Variants in GET3 observed in about 807,000 individuals in gnomAD.
GET3 encodes guided entry of tail-anchored proteins factor 3, ATPase.
A neutral mutation model predicts 32.4 loss-of-function variants in GET3; 15 were observed. That is an observed-to-expected ratio of 0.46 (90% CI 0.31 to 0.71). The LOEUF is 0.71. Ranked by LOEUF, GET3 falls within the 30% of genes least tolerant of loss-of-function variation. GET3 has a pLI of 0.05. For synonymous variants in GET3, 198 were observed against 185.6 expected (o/e 1.07, Z -0.54); for missense variants, 333 against 459.0 (o/e 0.73, Z 2.51).
At chr19:12,737,298 G>T, upstream of GET3, 1 of 676,136 alleles carries the variant, frequency 1.5e-6, no homozygotes, top group Non-Finnish European at 2.3e-6. Context: ...ATTAGGTAGG[G>T]GGAACCCTTG....
chr19:12,747,611 C>T lies in GET3; in HGVS notation c.915+19C>T, dbSNP rs1967797957. The T allele has an allele frequency of 1.2e-6, 2 of 1,609,888 alleles. No homozygotes were observed. Among genetic ancestry groups the T allele is most frequent in the Non-Finnish European group, 8.5e-7 (1 of 1,178,828 alleles). On this transcript the variant is annotated intron_variant, in intron 6 of 6. Transcript: ENST00000357332. The surrounding 1 kb of genome is among the most constrained non-coding windows in gnomAD (Gnocchi z 4.0). ...GGACCAGGTGTGCCCACCCACCCAG[C>T]ACTGGCTCAGCAGAGGCACCTCTGC...
At position 12,748,269 on chromosome 19, in the gene GET3, A is replaced by G. The variant is rs1967813008; in HGVS notation, c.*165A>G. The stretch of plus-strand genomic sequence containing the variant: ...CCTGGTGGGGCTGGTGGGGAGCTGT[A>G]GTTGCCCCCTACCTCTCCCACCTCT... On this transcript the variant is annotated 3_prime_UTR_variant, in exon 7 of 7. Coordinates refer to ENST00000357332, the MANE Select transcript of GET3 (RefSeq NM_004317.4). The G allele has an allele frequency of 1.7e-6, 1 of 604,752 alleles. No individual in the cohort carries two copies. The highest frequency in any genetic ancestry group is 2.7e-6 in the Non-Finnish European group (1 of 369,618). The allele number at this position is 604,752 out of a possible 1,614,324, so 37.5% of individuals were successfully genotyped here.
chr19:12,739,812 G>A (rs1321451359), intron 2 of GET3, among the ~76,000 whole-genome samples: 1 of 152,064 alleles, frequency 6.6e-6, no homozygotes, highest in Non-Finnish European at 1.5e-5. Flanking sequence ...GAGAAGCCAA[G>A]GTGGGCGGAT....
chr19:12,747,538 G>A lies in GET3; in HGVS notation c.861G>A (p.Lys287=). 6.2e-7 allele frequency: 1 copy of A among 1,613,930 alleles called. No individual in the cohort carries two copies. The highest frequency in any genetic ancestry group is 1.1e-5 in the South Asian group (1 of 91,056). ...VNQLVFPDPE[K]PCKMCEARHK... is the part of the protein sequence containing the mutation. ...AGCTCGTCTTCCCCGACCCCGAGAA[G>A]CCCTGCAAGATGTGTGAGGCCCGTC... Residue 287 remains lysine (K), a synonymous_variant, in exon 6 of 7, where the codon AAG becomes AAA. Transcript: ENST00000357332. The surrounding 1 kb of genome is among the most constrained non-coding windows in gnomAD (Gnocchi z 4.0).
intron 2 of GET3, among the ~76,000 whole-genome samples, chr19:12,741,867 C>T (rs1339779358): frequency 6.6e-6 from 1 of 152,092 alleles, no homozygotes; most frequent in Non-Finnish European, 1.5e-5. Flanking sequence ...CACAGTGAGT[C>T]GAGATTGTGC....
Position 12,747,924 on chromosome 19 carries a change from G to C in GET3, c.916-49G>C. On this transcript the variant is annotated intron_variant, in intron 6 of 6. Transcript: ENST00000357332. This position sits in a 1 kb window ranked among gnomAD's most constrained non-coding sequence, Gnocchi z 4.0. ...TTCTATTGATCCACACTCTGTCTCT[G>C]CCTTCCTGCCCCCTGACCACTGCCT... The C allele has an allele frequency of 5.9e-6, 9 of 1,528,314 alleles. 1 individual carries two copies. Among genetic ancestry groups the C allele is most frequent in the Non-Finnish European group, 8.0e-6 (9 of 1,128,440 alleles). The allele number at this position is 1,528,314 out of a possible 1,614,324, so 94.7% of individuals were successfully genotyped here. A position where few individuals can be genotyped will look rare whatever the true frequency, so the allele number is the denominator to read the frequency against.
rs369114841 is a variant in GET3 at position 12,747,517 on chromosome 19, C to T, written c.840C>T (p.Leu280=). 2.1e-5 allele frequency: 34 copies of T among 1,613,834 alleles called. No individual in the cohort carries two copies. Among genetic ancestry groups the T allele is most frequent in the South Asian group, 3.3e-5 (3 of 91,044 alleles). Residue 280 remains leucine (L), a synonymous_variant, in exon 6 of 7, where the codon CTC becomes CTT. Coordinates refer to ENST00000357332, the MANE Select transcript of GET3 (RefSeq NM_004317.4). This position sits in a 1 kb window ranked among gnomAD's most constrained non-coding sequence, Gnocchi z 4.0. ...IDTHNIIVNQ[L]VFPDPEKPCK... is the part of the protein sequence containing the mutation. ...CACACAATATAATTGTCAACCAGCT[C>T]GTCTTCCCCGACCCCGAGAAGCCCT...
At chr19:12,741,202 A>G (rs1209551812) in intron 2 of GET3, among the ~76,000 whole-genome samples, 1 of 152,154 alleles carries the variant, frequency 6.6e-6, no homozygotes, top group Non-Finnish European at 1.5e-5. Flanking sequence ...CACGCCTGTA[A>G]TCCCAGCACT....
Position 12,737,511 on chromosome 19 carries a change from G to T in GET3, c.6G>T (p.Ala2=). ...TCACGTGAGCCAGTTCCAAAATGGCGGCAGGGGTGGCCGGGTGGGGGGTTG... is the reference window on the plus strand; with the variant it reads ...TCACGTGAGCCAGTTCCAAAATGGCTGCAGGGGTGGCCGGGTGGGGGGTTG... M[A]AGVAGWGVEA... The change falls in exon 1 of 7, where the codon GCG becomes GCT. Residue 2 remains alanine, a synonymous_variant. Transcript: ENST00000357332. 6.4e-7 allele frequency: 1 copy of T among 1,550,634 alleles called. No individual in the cohort carries two copies. Among genetic ancestry groups the T allele is most frequent in the Non-Finnish European group, 8.7e-7 (1 of 1,150,208 alleles).
In GET3 at chr19:12,738,559, C is replaced by A. The variant is rs771886107; in HGVS notation, c.210C>A (p.Ile70=). 1.1e-5 allele frequency: 18 copies of A among 1,614,060 alleles called. No individual in the cohort carries two copies. In the Middle Eastern group the frequency reaches 4.9e-4, roughly 44 times the overall value. Residue 70 remains isoleucine (I), a synonymous_variant, in exon 2 of 7, where the codon ATC becomes ATA. Coordinates refer to ENST00000357332, the MANE Select transcript of GET3 (RefSeq NM_004317.4). ...QLSKGRESVL[I]ISTDPAHNIS... ...CCAAGGGGCGTGAGAGTGTTCTGAT[C>A]ATCTCCACAGACCCAGCACACAACA...
intron 1 of GET3, 108 bp downstream of exon 1, chr19:12,737,774 G>A (rs936676460): frequency 2.1e-6 from 3 of 1,400,116 alleles, no homozygotes; most frequent in Admixed American, 3.1e-5. Flanking sequence ...GGGCTGGCGG[G>A]GGTCTTTGGG....
chr19:12,746,135 A>G (rs1967767235), intron 4 of GET3, among the ~76,000 whole-genome samples: 1 of 151,908 alleles, frequency 6.6e-6, no homozygotes, highest in South Asian at 2.1e-4. Flanking sequence ...CCCATGGGTT[A>G]TTATTATTAT....
Position 12,745,597 on chromosome 19 carries a change from G to C in GET3, c.459-12G>C, listed in dbSNP as rs1336593851. The stretch of plus-strand genomic sequence containing the variant: ...AGCGGACACAGAGGGCCTGACCCCT[G>C]TCTCCCCTCAGGCTGGTGAAGGGCA... On this transcript the variant is annotated splice_polypyrimidine_tract_variant and intron_variant, in intron 3 of 6. Coordinates refer to ENST00000357332, the MANE Select transcript of GET3 (RefSeq NM_004317.4). The surrounding 1 kb of genome is among the most constrained non-coding windows in gnomAD (Gnocchi z 5.0). The C allele has an allele frequency of 6.2e-7, 1 of 1,612,680 alleles. No homozygotes were observed. The highest frequency in any genetic ancestry group is 8.5e-7 in the Non-Finnish European group (1 of 1,179,966).
rs1016608810 is a variant in GET3, at chr19:12,747,530, C to T, written c.853C>T (p.Pro285Ser). 5.6e-6 allele frequency: 9 copies of T among 1,613,948 alleles called. No homozygotes were observed. The highest frequency in any genetic ancestry group is 6.8e-6 in the Non-Finnish European group (8 of 1,179,982). ...IIVNQLVFPD[P>S]EKPCKMCEAR... The stretch of plus-strand genomic sequence containing the variant: ...TGTCAACCAGCTCGTCTTCCCCGAC[C>T]CCGAGAAGCCCTGCAAGATGTGTGA... The change falls in exon 6 of 7, where the codon CCC becomes TCC. Residue 285 changes from proline to serine, a missense_variant. By Grantham distance (74) the Pro-to-Ser change is moderately conservative. Around this residue, in one of 3 missense-constraint regions of GET3, gnomAD observed 230 missense variants for 389.2 expected, o/e 0.59. Transcript: ENST00000357332. This position sits in a 1 kb window ranked among gnomAD's most constrained non-coding sequence, Gnocchi z 4.0.
At chr19:12,744,043 C>CAAA (rs753666928) in intron 2 of GET3, among the ~76,000 whole-genome samples, 3 of 47,800 alleles carry the variant, frequency 6.3e-5, no homozygotes, top group East Asian at 5.8e-4. Flanking sequence ...GACTCCATCT[C>CAAA]AAAAAAAAAA....
Position 12,745,989 on chromosome 19 carries a change from A to G in GET3, c.609+230A>G, listed in dbSNP as rs1967764537. On this transcript the variant is annotated intron_variant, in intron 4 of 6. Transcript: ENST00000357332. This position sits in a 1 kb window ranked among gnomAD's most constrained non-coding sequence, Gnocchi z 5.0. ...TACCCTAGACAGAGCCAGAAAGCACATTCCAGAACCAGGCAACCTGCCTTC... is the reference window on the plus strand; with the variant it reads ...TACCCTAGACAGAGCCAGAAAGCACGTTCCAGAACCAGGCAACCTGCCTTC... Among the ~76,000 whole-genome samples, 1 of 152,164 alleles carries G rather than the reference A, an allele frequency of 6.6e-6. No individual in the cohort carries two copies. Among genetic ancestry groups the G allele is most frequent in the African/African-American group, 2.4e-5 (1 of 41,446 alleles).
rs1197020565 is a variant in GET3 at position 12,744,234 on chromosome 19, AAG to A, written c.310-1140_310-1139del. Among the ~76,000 whole-genome samples the A allele has an allele frequency of 2.4e-3, 355 of 150,600 alleles. 1 individual carries two copies. Among genetic ancestry groups the A allele is most frequent in the Middle Eastern group, 0.014 (4 of 292 alleles). ...TCCATCTCGGGAAAAAAAAAAAAAA[AAG>A]AGGGAGGCATTGAGTCTGAGACTGG... On this transcript the variant is annotated intron_variant, in intron 2 of 6. Coordinates refer to ENST00000357332, the MANE Select transcript of GET3 (RefSeq NM_004317.4).
At chr19:12,744,222 A>G (rs1273288812) in intron 2 of GET3, among the ~76,000 whole-genome samples, 1 of 141,888 alleles carries the variant, frequency 7.0e-6, no homozygotes, top group African/African-American at 3.0e-5. Context: ...ATCTCGGGAA[A>G]AAAAAAAAAA....
intron 1 of GET3, among the ~76,000 whole-genome samples, chr19:12,737,905 G>T (rs565902414): frequency 6.6e-6 from 1 of 152,162 alleles, no homozygotes; most frequent in Admixed American, 6.6e-5. Flanking sequence ...CTCAGCGCCC[G>T]GGGGACGGGG....
Sources: allele counts gnomAD v4.1 joint callset (sites outside exome capture counted in the v4.1 genomes callset), GRCh38; gene constraint gnomAD v4.1.1; regional missense constraint gnomAD v4.1.1; non-coding constraint Gnocchi (gnomAD v3.1); transcripts MANE v1.5; gene names NCBI Gene and HGNC (gene_info 2026-07-23, HGNC 2026-07-21).